ASIC2: variants seen among roughly 807,000 people sequenced by gnomAD.
The protein encoded by ASIC2 is acid-sensing ion channel 2.
ASIC2 carries 25 observed loss-of-function variants against 57.3 expected under a neutral mutation model. That is an observed-to-expected ratio of 0.44 (90% confidence interval 0.32 to 0.61). ASIC2 has a LOEUF of 0.61. Among genes scored for constraint, ASIC2 ranks in the 20% least tolerant of loss-of-function variants. The pLI is 0.06. For missense variants in ASIC2, 641 were observed against 738.1 expected (o/e 0.87, Z 1.52); for synonymous variants, 319 against 307.5 (o/e 1.04, Z -0.39).
At chr17:33,181,473 T>C (rs577046971) in intron 1 of ASIC2, among the ~76,000 whole-genome samples, 9 of 152,098 alleles carry the variant, frequency 5.9e-5, no homozygotes, top group South Asian at 2.1e-4. Context: ...AAGTCAGAAA[T>C]TGGGGTGTCA....
chr17:33,143,993 C>T (rs1445617982), intron 1 of ASIC2, among the ~76,000 whole-genome samples: 1 of 152,068 alleles, frequency 6.6e-6, no homozygotes, highest in Non-Finnish European at 1.5e-5. Flanking sequence ...ATGCCCAACC[C>T]TTCTCTTTCT....
chr17:33,441,034 T>C (rs1911806031), intron 1 of ASIC2, among the ~76,000 whole-genome samples: 1 of 152,202 alleles, frequency 6.6e-6, no homozygotes, highest in Non-Finnish European at 1.5e-5. Context: ...AGTGGTGTGA[T>C]CACAGCTCAC....
At chr17:34,136,391 AG>A (rs1452394686) in intron 1 of ASIC2, among the ~76,000 whole-genome samples, 63 of 152,260 alleles carry the variant, frequency 4.1e-4, no homozygotes, top group African/African-American at 1.5e-3. Context: ...ACACCTTTTA[AG>A]AGACATTTAC....
chr17:33,993,904 T>G (rs2142011329), intron 1 of ASIC2, among the ~76,000 whole-genome samples: 1 of 152,340 alleles, frequency 6.6e-6, no homozygotes, highest in Admixed American at 6.5e-5. Context: ...TGCCTCTTGC[T>G]TGGCATGTGT....
Position 33,853,701 on chromosome 17 carries a change from T to A in ASIC2, c.555+302277A>T, listed in dbSNP as rs559196644. Among the ~76,000 whole-genome samples, 257 of 152,350 alleles carry A rather than the reference T, an allele frequency of 1.7e-3. 3 individuals are homozygous for A. Among genetic ancestry groups the A allele is most frequent in the African/African-American group, 5.9e-3 (247 of 41,594 alleles). ...GGGAGGATAAGAAGAAATCTCTGGC[T>A]AAGTTCTCCAAGGGCAGAACTCACC... On this transcript the variant is annotated intron_variant, in intron 1 of 9. Transcript: ENST00000359872.
chr17:33,161,616 G>C lies in ASIC2; in HGVS notation c.709-49549C>G, dbSNP rs189979439. ...CACCAATATAATGTAAGCTCTTTGA[G>C]GGCTGGGATTCTTTCAGCTTTGTTC... is the stretch of plus-strand genomic sequence containing the variant. On this transcript the variant is annotated intron_variant, in intron 1 of 9. Coordinates refer to ENST00000225823, the MANE Select transcript of ASIC2 (RefSeq NM_183377.2). Among the ~76,000 whole-genome samples, 5 of 152,214 alleles carry C rather than the reference G, an allele frequency of 3.3e-5. No homozygotes were observed. The East Asian group carries it at 9.6e-4, about 29-fold the overall frequency.
intron 5 of ASIC2, 41 bp from the exon 6 acceptor site, chr17:33,024,055 A>G (rs748884484): frequency 2.5e-6 from 4 of 1,611,284 alleles, no homozygotes; most frequent in Non-Finnish European, 3.4e-6. Context: ...AGGTGTGGGC[A>G]CTGGGATTTC....
intron 1 of ASIC2, among the ~76,000 whole-genome samples, chr17:33,200,157 T>G (rs1351186289): frequency 6.6e-6 from 1 of 152,162 alleles, no homozygotes; most frequent in East Asian, 1.9e-4. Flanking sequence ...CCCCCGAGCT[T>G]CTCTTCGCTA....
chr17:33,425,065 A>C lies in ASIC2; in HGVS notation c.556-312998T>G, dbSNP rs560801795. ...TCCACTTAAATTTCCCAACACTCCT[A>C]GGAGAAAATTATTATGAAGCCCAGT... is the stretch of plus-strand genomic sequence containing the variant. On this transcript the variant is annotated intron_variant, in intron 1 of 9. Transcript: ENST00000359872. Among the ~76,000 whole-genome samples the C allele has an allele frequency of 5.9e-5, 9 of 152,390 alleles. No homozygotes were observed. In the South Asian group the frequency reaches 1.7e-3, roughly 28 times the overall value.
chr17:33,319,407 A>T (rs1455558144), intron 1 of ASIC2, among the ~76,000 whole-genome samples: 4 of 152,184 alleles, frequency 2.6e-5, no homozygotes, highest in Non-Finnish European at 5.9e-5. Context: ...GCTGATGACA[A>T]CCACACCCTA....
intron 1 of ASIC2, among the ~76,000 whole-genome samples, chr17:33,962,710 C>T (rs186578549): frequency 6.6e-6 from 1 of 152,278 alleles, no homozygotes; most frequent in East Asian, 1.9e-4. Flanking sequence ...CCACTGCCTG[C>T]ACTGTCTAGT....
At chr17:33,705,037 G>C (rs1225480354) in intron 1 of ASIC2, among the ~76,000 whole-genome samples, 1 of 152,182 alleles carries the variant, frequency 6.6e-6, no homozygotes, top group Non-Finnish European at 1.5e-5. Flanking sequence ...ATGAATGTCA[G>C]TGTCATTTAA....
chr17:33,724,031 G>A (rs1909468256), intron 1 of ASIC2, among the ~76,000 whole-genome samples: 1 of 152,056 alleles, frequency 6.6e-6, no homozygotes, highest in Non-Finnish European at 1.5e-5. Flanking sequence ...GTCATGGGAG[G>A]GACTCAGTGG....
chr17:33,711,913 A>G (rs755806622), intron 1 of ASIC2, among the ~76,000 whole-genome samples: 6 of 152,156 alleles, frequency 3.9e-5, no homozygotes, highest in Admixed American at 1.3e-4. Context: ...TCATCTTCAG[A>G]ACCAGGAAAT....
At chr17:33,225,566 C>T (rs189131193) in intron 1 of ASIC2, among the ~76,000 whole-genome samples, 1 of 152,324 alleles carries the variant, frequency 6.6e-6, no homozygotes, top group African/African-American at 2.4e-5. Flanking sequence ...GGCCCAGTGG[C>T]TATCTAGTCA....
At chr17:33,775,182 A>G (rs962844692) in intron 1 of ASIC2, among the ~76,000 whole-genome samples, 2 of 152,242 alleles carry the variant, frequency 1.3e-5, no homozygotes, top group African/African-American at 4.8e-5. Context: ...GTGAGACTCC[A>G]TGATGGTCAG....
chr17:33,111,340 C>T lies in ASIC2; in HGVS notation c.859+577G>A, dbSNP rs181830284. 2.3e-4 allele frequency among the ~76,000 whole-genome samples: 35 copies of T among 152,280 alleles called. No homozygotes were observed. In the East Asian group the frequency reaches 3.9e-3, roughly 17 times the overall value. On this transcript the variant is annotated intron_variant, in intron 2 of 9. Coordinates refer to ENST00000225823, the MANE Select transcript of ASIC2 (RefSeq NM_183377.2). Reference sequence around the variant, plus strand: ...AGCCTGAGATAGTATACATGGTTTACGAATAGTTTGCTGAAGAAATAAATG... The same window carrying T: ...AGCCTGAGATAGTATACATGGTTTATGAATAGTTTGCTGAAGAAATAAATG...
At chr17:33,202,327 A>G (rs1272223674) in intron 1 of ASIC2, among the ~76,000 whole-genome samples, 27 of 152,184 alleles carry the variant, frequency 1.8e-4, no homozygotes, top group Admixed American at 1.7e-3. Context: ...TGGGAGGGAG[A>G]AAATGGGCTG....
chr17:33,489,898 G>A (rs1386640229), intron 1 of ASIC2, among the ~76,000 whole-genome samples: 1 of 152,184 alleles, frequency 6.6e-6, no homozygotes, highest in Non-Finnish European at 1.5e-5. Context: ...CAATCGGAAA[G>A]TCTTGGCTTT....
Sources: gnomAD v4.1 joint callset for allele counts (sites outside exome capture counted in the v4.1 genomes callset) on GRCh38, gnomAD v4.1.1 for gene constraint, MANE v1.5 for transcripts, NCBI Gene and HGNC (gene_info 2026-07-23, HGNC 2026-07-21) for gene names.